PSEN2: variants seen among roughly 807,000 people sequenced by gnomAD.
PSEN2 encodes presenilin-2.
In PSEN2, 32 loss-of-function variants were observed where a neutral mutation model predicts 49.1. The ratio of observed to expected loss-of-function variants is 0.65; its 90% CI spans 0.49 to 0.88. The LOEUF (loss-of-function observed/expected upper bound fraction) is 0.88. PSEN2 is among the 40% of genes least tolerant of loss of function. The pLI is 0.00. For missense variants in PSEN2, 522 were observed against 586.9 expected (o/e 0.89, Z 1.14); for synonymous variants, 255 against 244.0 (o/e 1.05, Z -0.42).
At chr1:226,880,615 A>AGCGATCACTCAGCCTCTGGACG (rs1469532384) in intron 3 of PSEN2, 3 of 1,605,694 alleles carry the variant, frequency 1.9e-6, no homozygotes, top group Non-Finnish European at 2.5e-6. Context: ...GCCTCTGGAC[A>AGCGATCACTCAGCCTCTGGACG]GCGATAACTC....
downstream of PSEN2, among the ~76,000 whole-genome samples, chr1:226,897,220 T>G (rs1443637107): frequency 1.3e-5 from 2 of 152,148 alleles, no homozygotes; most frequent in Non-Finnish European, 2.9e-5. Context: ...CTGAAAAGCT[T>G]ATTCAATTTG....
At position 226,883,878 on chromosome 1, in the gene PSEN2, C is replaced by T. The variant is rs553495122; in HGVS notation, c.315C>T (p.Thr105=). The T allele has an allele frequency of 2.5e-6, 4 of 1,602,588 alleles. No individual in the cohort carries two copies. The East Asian group carries it at 9.0e-5, about 36-fold the overall frequency. ...VTLCMIVVVA[T]IKSVRFYTEK... ...TGTGCATGATCGTGGTGGTAGCCAC[C>T]ATCAAGTCTGTGCGCTTCTACACAG... The change falls in exon 5 of 13, where the codon ACC becomes ACT. Residue 105 remains threonine, a synonymous_variant. Coordinates refer to ENST00000366783, the MANE Select transcript of PSEN2 (RefSeq NM_000447.3).
At chr1:226,881,692 A>G (rs2102667133) in intron 3 of PSEN2, among the ~76,000 whole-genome samples, 196 bp from the exon 4 acceptor site, 1 of 152,316 alleles carries the variant, frequency 6.6e-6, no homozygotes, top group East Asian at 1.9e-4. Context: ...GCCCCAGGCA[A>G]GGCCGCTGCT....
chr1:226,895,905 T>C lies in PSEN2; in HGVS notation c.*326T>C. 1 of 420,380 alleles carries C rather than the reference T, an allele frequency of 2.4e-6. No individual in the cohort carries two copies. The highest frequency in any genetic ancestry group is 5.1e-5 in the East Asian group (1 of 19,674). 26.0% of individuals were successfully genotyped at this position (420,380 alleles called of 1,614,324 possible). On this transcript the variant is annotated 3_prime_UTR_variant, in exon 13 of 13. Transcript: ENST00000366783. ...GATGCGCAAAGAGTGTGCTCGGGAG[T>C]GGCCCCTGGCACCTGGGTGCTCTGG...
intron 5 of PSEN2, among the ~76,000 whole-genome samples, chr1:226,884,838 A>G (rs952918245): frequency 1.3e-5 from 2 of 152,164 alleles, no homozygotes; most frequent in East Asian, 3.9e-4. Context: ...ACCTGAGCCC[A>G]GAAGTCGAGG....
rs200615414 is a variant in PSEN2, at chr1:226,895,817, T to C, written c.*238T>C. The stretch of plus-strand genomic sequence containing the variant: ...TCACGGACAGGAAGCACAGCAGGTT[T>C]ATCCAGATGAACTGAGAAGGTCAGA... On this transcript the variant is annotated 3_prime_UTR_variant, in exon 13 of 13. Coordinates refer to ENST00000366783, the MANE Select transcript of PSEN2 (RefSeq NM_000447.3). 8.7e-6 allele frequency: 5 copies of C among 574,186 alleles called. No individual in the cohort carries two copies. Among genetic ancestry groups the C allele is most frequent in the Non-Finnish European group, 1.5e-5 (5 of 322,676 alleles). The allele number at this position is 574,186 out of a possible 1,614,324, so 35.6% of individuals were successfully genotyped here. A position where few individuals can be genotyped will look rare whatever the true frequency, so the allele number is the denominator to read the frequency against.
At chr1:226,901,130 C>G (rs1001079417), downstream of PSEN2, among the ~76,000 whole-genome samples, 1 of 152,082 alleles carries the variant, frequency 6.6e-6, no homozygotes, top group African/African-American at 2.4e-5. Context: ...ATCTTCCTGT[C>G]GAGGCCACTC....
Position 226,895,492 on chromosome 1 carries a change from C to G in PSEN2, c.1260C>G (p.Ile420Met), listed in dbSNP as rs1662082908. 2 of 1,614,028 alleles carry G rather than the reference C, an allele frequency of 1.2e-6. No homozygotes were observed. The highest frequency in any genetic ancestry group is 2.7e-5 in the African/African-American group (2 of 74,998). Residue 420 changes from isoleucine to methionine, a missense_variant, in exon 13 of 13, where the codon ATC (isoleucine) becomes ATG (methionine). Coordinates refer to ENST00000366783, the MANE Select transcript of PSEN2 (RefSeq NM_000447.3). ...KKALPALPIS[I>M]TFGLIFYFST... The stretch of plus-strand genomic sequence containing the variant: ...CGCTGCCCGCCCTCCCCATCTCCAT[C>G]ACGTTCGGGCTCATCTTTTACTTCT...
chr1:226,901,136 C>T (rs1662301976), downstream of PSEN2, among the ~76,000 whole-genome samples: 1 of 152,100 alleles, frequency 6.6e-6, no homozygotes, highest in African/African-American at 2.4e-5. Context: ...CTGTCGAGGC[C>T]ACTCAAAACA....
intron 8 of PSEN2, among the ~76,000 whole-genome samples, chr1:226,889,682 TA>T (rs1661609365): frequency 6.6e-6 from 1 of 152,258 alleles, no homozygotes; most frequent in Non-Finnish European, 1.5e-5. Flanking sequence ...ACCATGCATA[TA>T]CATAACCCCA....
intron 3 of PSEN2, among the ~76,000 whole-genome samples, chr1:226,879,973 C>A (rs1571943893): frequency 6.6e-6 from 1 of 152,216 alleles, no homozygotes; most frequent in Non-Finnish European, 1.5e-5. Context: ...AGGAATAATC[C>A]AGGCCATAGC....
chr1:226,901,228 G>A (rs1662309939), downstream of PSEN2, among the ~76,000 whole-genome samples: 4 of 152,222 alleles, frequency 2.6e-5, no homozygotes, highest in South Asian at 6.2e-4. Flanking sequence ...CTGAGGTCAG[G>A]AGTTCGAGAC....
Position 226,885,436 on chromosome 1 carries a change from G to C in PSEN2, c.357-102G>C. 3 of 1,367,014 alleles carry C rather than the reference G, an allele frequency of 2.2e-6. No homozygotes were observed. The South Asian group carries it at 3.9e-5, about 18-fold the overall frequency. The allele number at this position is 1,367,014 out of a possible 1,614,324, so 84.7% of individuals were successfully genotyped here. A position where few individuals can be genotyped will look rare whatever the true frequency, so the allele number is the denominator to read the frequency against. Reference sequence around the variant, plus strand: ...TCAGGGCAGCATGTGGGCAGCATGGGCATCCCAGGCACCTCCCCTAGCAGG... The same window carrying C: ...TCAGGGCAGCATGTGGGCAGCATGGCCATCCCAGGCACCTCCCCTAGCAGG... On this transcript the variant is annotated intron_variant, in intron 5 of 12. Transcript: ENST00000366783.
chr1:226,895,668 A>T lies in PSEN2; in HGVS notation c.*89A>T. On this transcript the variant is annotated 3_prime_UTR_variant, in exon 13 of 13. Transcript: ENST00000366783. ...TTACACTCTAGTGCCATATATTTTT[A>T]AGACTTTTCTTTCCTTAAAAAATAA... 7.0e-7 allele frequency: 1 copy of T among 1,433,340 alleles called. No homozygotes were observed. Among genetic ancestry groups the T allele is most frequent in the Non-Finnish European group, 9.6e-7 (1 of 1,046,756 alleles). The allele number at this position is 1,433,340 out of a possible 1,614,324, so 88.8% of individuals were successfully genotyped here.
chr1:226,889,946 C>A, intron 8 of PSEN2, 89 bp from the exon 9 acceptor site: 1 of 1,032,514 alleles, frequency 9.7e-7, no homozygotes, highest in Non-Finnish European at 1.5e-6. Context: ...GCTCTGAGAG[C>A]TCCACCCGGG....
At chr1:226,887,622 C>T (rs997434440) in intron 6 of PSEN2, among the ~76,000 whole-genome samples, 1 of 152,176 alleles carries the variant, frequency 6.6e-6, no homozygotes, top group Non-Finnish European at 1.5e-5. Flanking sequence ...CCCAGTGAGT[C>T]TCCTATCACT....
rs72758660 is a variant in PSEN2, at chr1:226,874,436, G to A, written c.-206-929G>A. ...GGCGTTGATGGCCTTTACGGTCCTT[G>A]CCAGCTCTGACATTGTCCTATGGAT... On this transcript the variant is annotated intron_variant, in intron 2 of 12. Transcript: ENST00000366783. Among the ~76,000 whole-genome samples the A allele has an allele frequency of 5.3e-3, 804 of 152,290 alleles. 4 individuals carry two copies. Among genetic ancestry groups the A allele is most frequent in the Non-Finnish European group, 8.8e-3 (598 of 68,016 alleles).
At chr1:226,883,095 C>G (rs939340932) in intron 4 of PSEN2, among the ~76,000 whole-genome samples, 3 of 152,124 alleles carry the variant, frequency 2.0e-5, no homozygotes, top group Non-Finnish European at 2.9e-5. Flanking sequence ...TGCCCTCCCT[C>G]GTTACCTCCT....
Position 226,902,268 on chromosome 1 carries a change from G to A in PSEN2, c.1192-6254G>A, listed in dbSNP as rs1345974168. 2.6e-5 allele frequency among the ~76,000 whole-genome samples: 4 copies of A among 152,148 alleles called. 1 individual carries two copies. In the South Asian group the frequency reaches 6.2e-4, roughly 24 times the overall value. ...CGATGCCACTGATTTGACAGGAGGC[G>A]GAGCTCAGGTGGTAATGCTCATCTC... On this transcript the variant is annotated intron_variant, in intron 12 of 14. Coordinates refer to the PSEN2 transcript ENST00000676945.
Sources: gnomAD v4.1 joint callset for allele counts (sites outside exome capture counted in the v4.1 genomes callset) on GRCh38, gnomAD v4.1.1 for gene constraint, MANE v1.5 for transcripts, NCBI Gene and HGNC (gene_info 2026-07-23, HGNC 2026-07-21) for gene names.